The following TRPM7 variants were observed in gnomAD, a reference collection of about 807,000 sequenced individuals.
TRPM7 encodes the protein transient receptor potential cation channel subfamily M member 7.
In TRPM7, 134 loss-of-function variants were observed where a neutral mutation model predicts 229.7. The ratio of observed to expected loss-of-function variants is 0.58; its 90% CI spans 0.51 to 0.67. The LOEUF (loss-of-function observed/expected upper bound fraction) is 0.67, where lower values mean the gene tolerates loss of function less well. TRPM7 is among the 30% of genes least tolerant of loss of function. The pLI, the probability that TRPM7 is intolerant of heterozygous loss-of-function variation, is 0.00. For synonymous variants in TRPM7, 699 were observed against 715.2 expected, an observed-to-expected ratio of 0.98 and a Z score of 0.36; for missense variants, 1,901 against 2,210.0, an observed-to-expected ratio of 0.86 and a Z score of 2.80.
At chr15:50,648,590 T>C (rs1222646199) in intron 4 of TRPM7, 97 bp downstream of exon 4, 8 of 1,105,834 alleles carry the variant, frequency 7.2e-6, no homozygotes, top group Middle Eastern at 2.2e-4. Flanking sequence ...ACAAATAAAT[T>C]ACTGAGACCA....
intron 38 of TRPM7, among the ~76,000 whole-genome samples, chr15:50,566,770 A>G (rs1426978427): frequency 6.6e-6 from 1 of 152,186 alleles, no homozygotes; most frequent in African/African-American, 2.4e-5. Flanking sequence ...AAAAGAACAA[A>G]CTACACCTAA....
rs767417126 is a variant in TRPM7 at position 50,631,447 on chromosome 15, C to G, written c.1174G>C (p.Asp392His). ...HIGSDEHQDIDVAILTALLKG... is the reference protein window; with the variant it reads ...HIGSDEHQDIHVAILTALLKG... ...AGCAGTGCAGTAAGTATTGCTACAT[C>G]TATATCTTGATGTTCATCTGACCCA... Residue 392 changes from aspartate to histidine, a missense_variant, in exon 10 of 39, where the codon GAT (aspartate) becomes CAT (histidine). Asp to His is a moderately conservative substitution (Grantham distance 81). Transcript: ENST00000646667. The G allele has an allele frequency of 1.9e-6, 3 of 1,610,616 alleles. No individual in the cohort carries two copies.
At position 50,561,556 on chromosome 15, in the gene TRPM7, G is replaced by A. The variant is rs938386044; in HGVS notation, c.*122C>T. The A allele has an allele frequency of 9.0e-7, 1 of 1,113,110 alleles. No individual in the cohort carries two copies. The highest frequency in any genetic ancestry group is 2.5e-5 in the East Asian group (1 of 39,726). The allele number at this position is 1,113,110 out of a possible 1,614,324, so 69.0% of individuals were successfully genotyped here. On this transcript the variant is annotated 3_prime_UTR_variant, in exon 39 of 39. Transcript: ENST00000646667. ...ATATTGACCTTTTAACTGTGCTGGAGTCAGCAAATTCAACTTGCATACACC... is the reference window on the plus strand; with the variant it reads ...ATATTGACCTTTTAACTGTGCTGGAATCAGCAAATTCAACTTGCATACACC...
intron 1 of TRPM7, among the ~76,000 whole-genome samples, chr15:50,676,442 G>C (rs1031929156): frequency 3.9e-5 from 6 of 152,046 alleles, no homozygotes; most frequent in African/African-American, 1.4e-4. Context: ...AAAGAGGCTA[G>C]ACACAGTGGC....
chr15:50,623,797 G>GAA (rs11455584), intron 12 of TRPM7, among the ~76,000 whole-genome samples: 49 of 142,788 alleles, frequency 3.4e-4, no homozygotes, highest in African/African-American at 1.2e-3. Flanking sequence ...TGTAAAAAAA[G>GAA]AAAAAAAAAA....
Position 50,592,097 on chromosome 15 carries a change from T to A in TRPM7, c.4138A>T (p.Lys1380Ter). ...GATGAACTGCCTAATTTTTGATTTT[T>A]ATTAAATATTTTTAAGAGTTCTACC... is the stretch of plus-strand genomic sequence containing the variant. ...HGVELLKIFN[K>*]NQKLGSSSTS... Residue 1380 changes from lysine to a stop codon, truncating the protein, a stop_gained, in exon 26 of 39, where the codon AAA becomes TAA. Transcript: ENST00000646667. LOFTEE classifies it high-confidence loss of function. 2 of 1,609,572 alleles carry A rather than the reference T, an allele frequency of 1.2e-6. No individual in the cohort carries two copies. The highest frequency in any genetic ancestry group is 1.7e-6 in the Non-Finnish European group (2 of 1,178,366).
At chr15:50,633,069 C>T in intron 8 of TRPM7, 77 bp from the exon 9 acceptor site, 1 of 1,296,142 alleles carries the variant, frequency 7.7e-7, no homozygotes, top group South Asian at 1.9e-5. Flanking sequence ...CAGGTAGATC[C>T]ATGTAAGACC....
chr15:50,631,395 A>G, intron 10 of TRPM7, 22 bp downstream of exon 10: 1 of 1,536,740 alleles, frequency 6.5e-7, no homozygotes, highest in Non-Finnish European at 9.0e-7. Context: ...TCTTACAAAT[A>G]AAAAAGTTCT....
chr15:50,574,223 G>C, intron 36 of TRPM7, 51 bp downstream of exon 36: 1 of 1,368,972 alleles, frequency 7.3e-7, no homozygotes. Flanking sequence ...CATATGAATA[G>C]GTGAGAACCT....
intron 11 of TRPM7, among the ~76,000 whole-genome samples, chr15:50,627,100 C>G (rs2060583884): frequency 6.6e-6 from 1 of 150,406 alleles, no homozygotes; most frequent in South Asian, 2.1e-4. Flanking sequence ...ATCTGCCCAG[C>G]CTCTTATTAA....
chr15:50,631,834 T>C (rs1275939482), intron 9 of TRPM7, among the ~76,000 whole-genome samples: 1 of 152,162 alleles, frequency 6.6e-6, no homozygotes, highest in Non-Finnish European at 1.5e-5. Flanking sequence ...AGATTCCTTA[T>C]CAGGGTAAAT....
intron 2 of TRPM7, among the ~76,000 whole-genome samples, chr15:50,659,953 C>T (rs1412911289): frequency 6.6e-6 from 1 of 152,184 alleles, no homozygotes; most frequent in African/African-American, 2.4e-5. Flanking sequence ...GCGTGAGCCA[C>T]CACACCCGAC....
At position 50,559,126 on chromosome 15, in the gene TRPM7, A is replaced by G. The variant is rs954405859; in HGVS notation, c.*2552T>C. 1 of 151,638 alleles carries G rather than the reference A, an allele frequency of 6.6e-6. No individual in the cohort carries two copies. 9.4% of individuals were successfully genotyped at this position (151,638 alleles called of 1,614,324 possible). ...GAGCGCAATGGCACGATCTCAGCTCACTGCAACCTCCACCTCCCAGGTTCA... is the reference window on the plus strand; with the variant it reads ...GAGCGCAATGGCACGATCTCAGCTCGCTGCAACCTCCACCTCCCAGGTTCA... On this transcript the variant is annotated 3_prime_UTR_variant, in exon 39 of 39. Coordinates refer to ENST00000646667, the MANE Select transcript of TRPM7 (RefSeq NM_017672.6).
chr15:50,672,828 T>C (rs1253133023), intron 1 of TRPM7, among the ~76,000 whole-genome samples: 1 of 132,252 alleles, frequency 7.6e-6, no homozygotes, highest in East Asian at 2.2e-4. Context: ...GAGAATCGCT[T>C]GAACCAGGGA....
intron 1 of TRPM7, among the ~76,000 whole-genome samples, chr15:50,682,492 C>G (rs2062265064): frequency 6.6e-6 from 1 of 151,434 alleles, no homozygotes; most frequent in Non-Finnish European, 1.5e-5. Flanking sequence ...AGGAGAATCA[C>G]TTGAATCCAG....
intron 10 of TRPM7, among the ~76,000 whole-genome samples, chr15:50,629,799 G>A (rs534691847): frequency 6.6e-6 from 1 of 150,954 alleles, no homozygotes; most frequent in East Asian, 2.0e-4. Flanking sequence ...TGAACACAGT[G>A]GTTAATACAC....
rs1200871632 is a variant in TRPM7, at chr15:50,634,373, T to C, written c.1007+9A>G. On this transcript the variant is annotated intron_variant, in intron 8 of 38. Coordinates refer to ENST00000646667, the MANE Select transcript of TRPM7 (RefSeq NM_017672.6). ...AATAAAATTAATTAAAATGTTGTCA[T>C]ACACTTACCCTCCTTCTTCTGTTTG... 1.3e-6 allele frequency: 2 copies of C among 1,524,824 alleles called. No individual in the cohort carries two copies. The highest frequency in any genetic ancestry group is 1.4e-5 in the African/African-American group (1 of 69,218). 94.5% of individuals were successfully genotyped at this position (1,524,824 alleles called of 1,614,324 possible).
At position 50,585,551 on chromosome 15, in the gene TRPM7, G is replaced by C. The variant is rs116388269; in HGVS notation, c.4486+841C>G. The stretch of plus-strand genomic sequence containing the variant: ...TGAATACTGAATGTTAACCAAATCA[G>C]CTGTTAAGATGATCTCATGATTTTT... On this transcript the variant is annotated intron_variant, in intron 28 of 38. Coordinates refer to ENST00000646667, the MANE Select transcript of TRPM7 (RefSeq NM_017672.6). Among the ~76,000 whole-genome samples, 490 of 152,316 alleles carry C rather than the reference G, an allele frequency of 3.2e-3. 3 individuals carry two copies. The highest frequency in any genetic ancestry group is 0.011 in the African/African-American group (475 of 41,578).
chr15:50,585,162 C>T (rs948002512), intron 28 of TRPM7, among the ~76,000 whole-genome samples: 14 of 149,836 alleles, frequency 9.3e-5, no homozygotes, highest in African/African-American at 3.0e-4. Flanking sequence ...CCCGGGTTCA[C>T]GCCATTCTCC....
Sources: gnomAD v4.1 joint callset for allele counts (sites outside exome capture counted in the v4.1 genomes callset) on GRCh38, gnomAD v4.1.1 for gene constraint, MANE v1.5 for transcripts, NCBI Gene and HGNC (gene_info 2026-07-23, HGNC 2026-07-21) for gene names.